The following ADAM10 variants were observed in gnomAD, a reference collection of about 807,000 sequenced individuals.
The protein encoded by ADAM10 is ADAM metallopeptidase domain 10, also known as disintegrin and metalloproteinase domain-containing protein 10.
In ADAM10, 17 loss-of-function variants were observed where a neutral mutation model predicts 90.1. The ratio of observed to expected loss-of-function variants is 0.19; its 90% confidence interval spans 0.13 to 0.28. The LOEUF is 0.28. ADAM10 is among the 10% of genes least tolerant of loss of function. The pLI is 1.00. For missense variants in ADAM10, 610 were observed against 914.3 expected, an observed-to-expected ratio of 0.67 and a Z score of 4.29; for synonymous variants, 310 against 298.6, an observed-to-expected ratio of 1.04 and a Z score of -0.40.
chr15:58,655,864 A>G (rs1451069715), intron 5 of ADAM10, among the ~76,000 whole-genome samples: 1 of 145,724 alleles, frequency 6.9e-6, no homozygotes, highest in Non-Finnish European at 1.5e-5. Context: ...CTCCTGCCTC[A>G]GCCTCCTGAG....
intron 1 of ADAM10, among the ~76,000 whole-genome samples, chr15:58,726,164 G>C (rs1899020016): frequency 6.6e-6 from 1 of 152,062 alleles, no homozygotes; most frequent in Non-Finnish European, 1.5e-5. Context: ...GAAACACAGT[G>C]TACATATACT....
At chr15:58,658,688 CATGT>C (rs1455406203) in intron 5 of ADAM10, among the ~76,000 whole-genome samples, 8 of 152,158 alleles carry the variant, frequency 5.3e-5, no homozygotes, top group Admixed American at 3.9e-4. Context: ...TCTAGTTCTT[CATGT>C]ACACATCTTG....
intron 5 of ADAM10, among the ~76,000 whole-genome samples, chr15:58,650,179 C>G (rs1486039262): frequency 3.3e-5 from 5 of 152,000 alleles, no homozygotes; most frequent in Admixed American, 6.5e-5. Flanking sequence ...ATCCAGGTAC[C>G]ATTTCCTTTG....
At chr15:58,640,251 T>C (rs1388079452) in intron 8 of ADAM10, among the ~76,000 whole-genome samples, 1 of 152,154 alleles carries the variant, frequency 6.6e-6, no homozygotes, top group Non-Finnish European at 1.5e-5. Context: ...CCTGCCTACA[T>C]CTCTTTCATG....
At chr15:58,692,070 C>A in intron 2 of ADAM10, 3 of 474,376 alleles carry the variant, frequency 6.3e-6, no homozygotes, top group South Asian at 4.6e-5. Context: ...CCTTAAGAGT[C>A]AACCATACCA....
At chr15:58,640,234 G>A (rs1321159907) in intron 8 of ADAM10, among the ~76,000 whole-genome samples, 1 of 152,158 alleles carries the variant, frequency 6.6e-6, no homozygotes. Flanking sequence ...GTGGGTACCA[G>A]GGGCTTCCTG....
chr15:58,678,472 T>C (rs1238075191), intron 4 of ADAM10, among the ~76,000 whole-genome samples: 5 of 152,174 alleles, frequency 3.3e-5, no homozygotes, highest in Non-Finnish European at 7.4e-5. Flanking sequence ...AAGAGCTATA[T>C]AAATTAGAGA....
intron 9 of ADAM10, among the ~76,000 whole-genome samples, chr15:58,631,510 C>CCAG (rs1290996632): frequency 7.2e-5 from 11 of 151,822 alleles, no homozygotes; most frequent in South Asian, 2.1e-4. Flanking sequence ...CAGATGAGCA[C>CCAG]CAGCAGCAGC....
chr15:58,729,088 T>G (rs1164055446), intron 1 of ADAM10, among the ~76,000 whole-genome samples: 1 of 152,170 alleles, frequency 6.6e-6, no homozygotes, highest in Non-Finnish European at 1.5e-5. Flanking sequence ...CCATGTGCAG[T>G]GGCTCACACA....
At chr15:58,723,826 C>T (rs1446750917) in intron 1 of ADAM10, among the ~76,000 whole-genome samples, 1 of 151,712 alleles carries the variant, frequency 6.6e-6, no homozygotes, top group East Asian at 1.9e-4. Context: ...GAGAAAAAAA[C>T]CATGAAAGAA....
rs542395177 is a variant in ADAM10, at chr15:58,610,821, T to C, written c.1804+178A>G. 9 of 657,462 alleles carry C rather than the reference T, an allele frequency of 1.4e-5. 1 individual carries two copies. The highest frequency in any genetic ancestry group is 1.1e-4 in the African/African-American group (6 of 55,142). The allele number at this position is 657,462 out of a possible 1,614,324, so 40.7% of individuals were successfully genotyped here. A position where few individuals can be genotyped will look rare whatever the true frequency, so the allele number is the denominator to read the frequency against. On this transcript the variant is annotated intron_variant, in intron 13 of 15. Transcript: ENST00000260408. ...TGTCTAGTTTATCATTTTTAAAACA[T>C]TGTAGAGACCATAATAATAGAGACA...
chr15:58,652,139 G>C (rs530607453), intron 5 of ADAM10, among the ~76,000 whole-genome samples: 1 of 151,936 alleles, frequency 6.6e-6, no homozygotes, highest in Non-Finnish European at 1.5e-5. Flanking sequence ...ATATATTCTG[G>C]TTATTAATCC....
chr15:58,719,121 C>A (rs977723961), intron 1 of ADAM10, among the ~76,000 whole-genome samples: 1 of 152,090 alleles, frequency 6.6e-6, no homozygotes, highest in Non-Finnish European at 1.5e-5. Context: ...GTCAGGAGTT[C>A]GAGACCAGCC....
In ADAM10 at chr15:58,592,598, A is replaced by G. The variant is rs1267890320; in HGVS notation, c.*4949T>C. 1 of 152,130 alleles carries G rather than the reference A, an allele frequency of 6.6e-6. No homozygotes were observed. Among genetic ancestry groups the G allele is most frequent in the Non-Finnish European group, 1.5e-5 (1 of 68,018 alleles). The allele number at this position is 152,130 out of a possible 1,614,324, so 9.4% of individuals were successfully genotyped here. On this transcript the variant is annotated 3_prime_UTR_variant, in exon 16 of 16. Coordinates refer to ENST00000260408, the MANE Select transcript of ADAM10 (RefSeq NM_001110.4). ...TCTGGTTCCCTTGAAGAAAAATGGT[A>G]CTTAAGAGACCACAATTAGGGCACT...
intron 2 of ADAM10, among the ~76,000 whole-genome samples, chr15:58,687,593 A>C (rs75753279): frequency 6.7e-6 from 1 of 150,284 alleles, no homozygotes; most frequent in East Asian, 1.9e-4. Flanking sequence ...AAAAAAAAAA[A>C]GGCTCAAAAG....
chr15:58,709,838 T>C (rs557762709), intron 2 of ADAM10, among the ~76,000 whole-genome samples: 2 of 152,258 alleles, frequency 1.3e-5, no homozygotes, highest in East Asian at 1.9e-4. Context: ...CTCCAAAGAA[T>C]TAAAAACAGC....
At chr15:58,700,232 G>A (rs1000493786) in intron 2 of ADAM10, among the ~76,000 whole-genome samples, 2 of 152,064 alleles carry the variant, frequency 1.3e-5, no homozygotes, top group Non-Finnish European at 2.9e-5. Flanking sequence ...CTGCACATTG[G>A]ACCAAATAGG....
rs1425597299 is a variant in ADAM10 at position 58,593,990 on chromosome 15, C to T, written c.*3557G>A. On this transcript the variant is annotated 3_prime_UTR_variant, in exon 16 of 16. Transcript: ENST00000260408. ...ATATCAAATGGAAGTTGTTTTTAATCAAGAACACAACATGAGAGATGCTGA... is the reference window on the plus strand; with the variant it reads ...ATATCAAATGGAAGTTGTTTTTAATTAAGAACACAACATGAGAGATGCTGA... The T allele has an allele frequency of 3.9e-5, 6 of 152,136 alleles. No individual in the cohort carries two copies. Among genetic ancestry groups the T allele is most frequent in the African/African-American group, 1.4e-4 (6 of 41,434 alleles). 9.4% of individuals were successfully genotyped at this position (152,136 alleles called of 1,614,324 possible). A position where few individuals can be genotyped will look rare whatever the true frequency, so the allele number is the denominator to read the frequency against.
intron 12 of ADAM10, 92 bp downstream of exon 12, chr15:58,611,716 T>C (rs1014419846): frequency 1.2e-5 from 15 of 1,226,496 alleles, no homozygotes; most frequent in Admixed American, 7.8e-5. Context: ...CCAAGATTAA[T>C]TACTTTAACT....
Sources: allele counts gnomAD v4.1 joint callset (sites outside exome capture counted in the v4.1 genomes callset), GRCh38; gene constraint gnomAD v4.1.1; transcripts MANE v1.5; gene names NCBI Gene and HGNC (gene_info 2026-07-23, HGNC 2026-07-21).